Variants in OR1L8 observed in about 807,000 individuals in gnomAD.
OR1L8 encodes the protein olfactory receptor 1L8.
For missense variants in OR1L8, 330 were observed against 377.4 expected (o/e 0.87, Z 1.04); for synonymous variants, 148 against 147.0 (o/e 1.01, Z -0.05).
At chr9:122,576,290 C>A (rs779158199) in intron 3 of OR1L8, among the ~76,000 whole-genome samples, 6 of 152,000 alleles carry the variant, frequency 3.9e-5, no homozygotes, top group Admixed American at 6.6e-5. Flanking sequence ...GGCATGAGCT[C>A]AGCCCACTGC....
chr9:122,574,598 T>A (rs1438948470), intron 3 of OR1L8, among the ~76,000 whole-genome samples: 1 of 149,350 alleles, frequency 6.7e-6, no homozygotes, highest in Non-Finnish European at 1.5e-5. Context: ...TGTCAATTCT[T>A]TTGGATTTTC....
chr9:122,556,563 T>C, the OR1L8 span, among the ~76,000 whole-genome samples: 1 of 152,124 alleles, frequency 6.6e-6, no homozygotes, highest in Non-Finnish European at 1.5e-5. Context: ...AAATAACTAA[T>C]GCATGCGGGG....
the OR1L8 span, among the ~76,000 whole-genome samples, chr9:122,552,749 A>AGTGTGTGTGTGTGTGTGTGTGT: frequency 5.4e-5 from 7 of 129,656 alleles, no homozygotes; most frequent in South Asian, 2.8e-4. Context: ...AGAGGGCTTG[A>AGTGTGTGTGTGTGTGTGTGTGT]GTGTGTGTGT....
intron 1 of OR1L8, among the ~76,000 whole-genome samples, chr9:122,580,584 C>T (rs967632663): frequency 6.6e-6 from 1 of 152,058 alleles, no homozygotes; most frequent in East Asian, 1.9e-4. Context: ...CAAGAAGACA[C>T]AAGAATATGA....
chr9:122,578,553 G>C (rs1829695865), intron 1 of OR1L8, 108 bp from the exon 2 acceptor site: 1 of 151,666 alleles, frequency 6.6e-6, no homozygotes, highest in Non-Finnish European at 1.5e-5. Context: ...ACCAGCCCAA[G>C]TGCCCCTCAA....
chr9:122,554,526 T>C, the OR1L8 span, among the ~76,000 whole-genome samples: 1 of 152,186 alleles, frequency 6.6e-6, no homozygotes, highest in Non-Finnish European at 1.5e-5. Context: ...GGAAGGAGAA[T>C]AGAAACATTT....
chr9:122,547,374 A>G, the OR1L8 span, among the ~76,000 whole-genome samples: 5 of 152,190 alleles, frequency 3.3e-5, no homozygotes, highest in Admixed American at 2.0e-4. Context: ...TATTTGTTAT[A>G]TACTGTTTAT....
At chr9:122,553,329 G>A in the OR1L8 span, 1 of 1,613,960 alleles carries the variant, frequency 6.2e-7, no homozygotes, top group South Asian at 1.1e-5. Context: ...CATGTACCTG[G>A]TCACCATGGT....
the OR1L8 span, chr9:122,553,347 C>G: frequency 6.2e-7 from 1 of 1,613,990 alleles, no homozygotes; most frequent in Non-Finnish European, 8.5e-7. Flanking sequence ...GGTGGGGAAC[C>G]TGCTCATTAT....
the OR1L8 span, chr9:122,553,567 C>T: frequency 6.2e-7 from 1 of 1,614,134 alleles, no homozygotes; most frequent in African/African-American, 1.3e-5. Context: ...TGCCTGCTGG[C>T]TGTGATGGCA....
In OR1L8 at chr9:122,567,875, C is replaced by A; in HGVS notation, c.603G>T (p.Met201Ile). ...SSIFVNEIVQ[M>I]TEAPIVLVTR... is the part of the protein sequence containing the mutation. ...TCACCAAAACAATAGGTGCTTCTGT[C>A]ATCTGCACAATTTCATTGACAAATA... Residue 201 changes from methionine to isoleucine, a missense_variant, in exon 5 of 5, where the codon ATG becomes ATT. Met to Ile is a conservative substitution (Grantham distance 10). Transcript: ENST00000641027. 6.2e-7 allele frequency: 1 copy of A among 1,613,958 alleles called. No homozygotes were observed. The highest frequency in any genetic ancestry group is 1.1e-5 in the South Asian group (1 of 91,040).
the OR1L8 span, among the ~76,000 whole-genome samples, chr9:122,554,757 T>C: frequency 6.6e-6 from 1 of 152,226 alleles, no homozygotes; most frequent in African/African-American, 2.4e-5. Context: ...AATTAATATA[T>C]GTTATGGTAT....
chr9:122,575,391 T>A (rs573026767), intron 3 of OR1L8, among the ~76,000 whole-genome samples: 92 of 152,290 alleles, frequency 6.0e-4, no homozygotes, highest in African/African-American at 1.9e-3. Flanking sequence ...ATCAATTTCA[T>A]CATTTCTTTT....
chr9:122,568,707 G>C lies in OR1L8; in HGVS notation c.-212-18C>G. The C allele has an allele frequency of 2.4e-6, 1 of 413,404 alleles. No homozygotes were observed. The highest frequency in any genetic ancestry group is 4.2e-6 in the Non-Finnish European group (1 of 236,520). The allele number at this position is 413,404 out of a possible 1,614,324, so 25.6% of individuals were successfully genotyped here. Reference sequence around the variant, plus strand: ...ATTGAAATCTGGAGGGACAGAGGGAGAGTTTTCCTTTAGAAACTTTCAGAA... The same window carrying C: ...ATTGAAATCTGGAGGGACAGAGGGACAGTTTTCCTTTAGAAACTTTCAGAA... On this transcript the variant is annotated intron_variant, in intron 4 of 4. Transcript: ENST00000641027.
the OR1L8 span, among the ~76,000 whole-genome samples, chr9:122,552,538 C>T: frequency 2.0e-5 from 3 of 151,718 alleles, no homozygotes; most frequent in South Asian, 2.1e-4. Context: ...TATTTGTATG[C>T]GTGTGTGTGG....
chr9:122,564,072 T>C (rs1172323829), downstream of OR1L8, among the ~76,000 whole-genome samples: 2 of 152,160 alleles, frequency 1.3e-5, no homozygotes, highest in African/African-American at 2.4e-5. Flanking sequence ...TAACTGTGCA[T>C]TGGGAAAAGG....
chr9:122,559,014 A>T, the OR1L8 span, among the ~76,000 whole-genome samples: 2 of 152,082 alleles, frequency 1.3e-5, no homozygotes, highest in African/African-American at 4.8e-5. Context: ...GATAATTCAC[A>T]TATCCGTCAT....
rs531738355 is a variant in OR1L8 at position 122,579,403 on chromosome 9, G to T, written c.-599-958C>A. ...AGGTAATACCTATCCCTTGTCTGGA[G>T]ATTGCTTTGGAGATAAAGTCGCTCT... On this transcript the variant is annotated intron_variant, in intron 1 of 4. Transcript: ENST00000641027. 5.5e-4 allele frequency among the ~76,000 whole-genome samples: 84 copies of T among 152,186 alleles called. 1 individual carries two copies. Among genetic ancestry groups the T allele is most frequent in the South Asian group, 1.0e-3 (5 of 4,822 alleles).
At chr9:122,563,829 A>G (rs1267240416), downstream of OR1L8, among the ~76,000 whole-genome samples, 1 of 152,042 alleles carries the variant, frequency 6.6e-6, no homozygotes, top group Non-Finnish European at 1.5e-5. Flanking sequence ...TTTTGCATAC[A>G]CATATTCAGT....
Sources: allele counts gnomAD v4.1 joint callset (sites outside exome capture counted in the v4.1 genomes callset), GRCh38; gene constraint gnomAD v4.1.1; transcripts MANE v1.5; gene names NCBI Gene and HGNC (gene_info 2026-07-23, HGNC 2026-07-21).